MAIP1: variants seen among roughly 807,000 people sequenced by gnomAD.
MAIP1 encodes the protein matrix AAA peptidase interacting protein 1, also known as m-AAA protease-interacting protein 1, mitochondrial.
A neutral mutation model predicts 31.2 loss-of-function variants in MAIP1; 28 were observed. The ratio of observed to expected loss-of-function variants is 0.90; its 90% confidence interval spans 0.67 to 1.23. MAIP1 has a LOEUF of 1.23. Among genes scored for constraint, MAIP1 ranks in the 50% most tolerant of loss-of-function variants. The pLI is 0.00. For synonymous variants in MAIP1, 142 were observed against 142.3 expected, an observed-to-expected ratio of 1.00 and a Z score of 0.02; for missense variants, 339 against 356.0, an observed-to-expected ratio of 0.95 and a Z score of 0.38.
chr2:199,955,443 G>A (rs747786563), upstream of MAIP1: 3 of 1,613,716 alleles, frequency 1.9e-6, no homozygotes, highest in African/African-American at 2.7e-5. Flanking sequence ...CCCTCCAGCC[G>A]GGGTACCGGG....
chr2:199,958,466 G>A (rs1159982335), intron 1 of MAIP1, among the ~76,000 whole-genome samples: 1 of 152,110 alleles, frequency 6.6e-6, no homozygotes, highest in Non-Finnish European at 1.5e-5. Flanking sequence ...TATCTGACAT[G>A]CCTGTGCATC....
At chr2:199,960,083 T>G (rs577423258) in intron 3 of MAIP1, among the ~76,000 whole-genome samples, 1 of 152,336 alleles carries the variant, frequency 6.6e-6, no homozygotes, top group South Asian at 2.1e-4. Context: ...ATCTAGAACT[T>G]TTTTCTGCTA....
In MAIP1 at chr2:199,955,627, G is replaced by C. The variant is rs1218294271; in HGVS notation, c.-172G>C. ...CCGAGCGCGGGGCGGGTTGCCGAAG[G>C]GCCTCGGCCTGGGCTGCGTGCTGGA... On this transcript the variant is annotated 5_prime_UTR_variant, in exon 1 of 5. Coordinates refer to ENST00000392290, the MANE Select transcript of MAIP1 (RefSeq NM_001394955.1). The C allele has an allele frequency of 8.5e-7, 1 of 1,177,162 alleles. No homozygotes were observed. The highest frequency in any genetic ancestry group is 1.2e-6 in the Non-Finnish European group (1 of 852,102). The allele number at this position is 1,177,162 out of a possible 1,614,324, so 72.9% of individuals were successfully genotyped here. A position where few individuals can be genotyped will look rare whatever the true frequency, so the allele number is the denominator to read the frequency against.
intron 1 of MAIP1, among the ~76,000 whole-genome samples, chr2:199,957,012 A>G (rs978139903): frequency 7.3e-6 from 1 of 137,522 alleles, no homozygotes; most frequent in African/African-American, 2.7e-5. Flanking sequence ...GGGTCCTGAG[A>G]TTATTTGTAG....
chr2:199,961,658 A>T, intron 3 of MAIP1, 123 bp from the exon 4 acceptor site: 1 of 764,808 alleles, frequency 1.3e-6, no homozygotes, highest in East Asian at 2.6e-5. Flanking sequence ...ACATCAGAAT[A>T]AGCACAAAAT....
chr2:199,962,064 GAC>G, intron 4 of MAIP1, 136 bp downstream of exon 4: 1 of 738,662 alleles, frequency 1.4e-6, no homozygotes, highest in Non-Finnish European at 2.2e-6. Flanking sequence ...AGGTCAGAAA[GAC>G]ACACTGGATA....
Position 199,955,905 on chromosome 2 carries a change from C to G in MAIP1, c.107C>G (p.Ser36Trp). 1 of 1,580,784 alleles carries G rather than the reference C, an allele frequency of 6.3e-7. No individual in the cohort carries two copies. Among genetic ancestry groups the G allele is most frequent in the East Asian group, 2.2e-5 (1 of 44,474 alleles). The change falls in exon 1 of 5, where the codon TCG becomes TGG. Residue 36 changes from serine (S) to tryptophan (W), a missense_variant. By Grantham distance (177) the Ser-to-Trp change is radical. Transcript: ENST00000392290. Reference protein sequence around the residue: ...TPAVAEVRLPSATLCYFCRCR... With the variant: ...TPAVAEVRLPWATLCYFCRCR... ...GCTGTGGCCGAGGTGAGGCTGCCGT[C>G]GGCCACACTTTGCTACTTCTGCCGC...
chr2:199,962,679 C>T (rs1381837094), intron 4 of MAIP1, among the ~76,000 whole-genome samples: 1 of 152,072 alleles, frequency 6.6e-6, no homozygotes, highest in Non-Finnish European at 1.5e-5. Flanking sequence ...TAAAATCTGC[C>T]ATAATTGGTA....
chr2:199,961,727 A>G, intron 3 of MAIP1, 54 bp from the exon 4 acceptor site: 1 of 1,499,668 alleles, frequency 6.7e-7, no homozygotes, highest in Non-Finnish European at 9.1e-7. Flanking sequence ...GTTTATATGG[A>G]TGATAGATTA....
At position 199,955,691 on chromosome 2, in the gene MAIP1, C is replaced by T. The variant is rs1049612513; in HGVS notation, c.-108C>T. 5.0e-6 allele frequency: 6 copies of T among 1,205,210 alleles called. No homozygotes were observed. In the African/African-American group the frequency reaches 7.6e-5, roughly 15 times the overall value. The allele number at this position is 1,205,210 out of a possible 1,614,324, so 74.7% of individuals were successfully genotyped here. On this transcript the variant is annotated 5_prime_UTR_variant, in exon 1 of 5. Transcript: ENST00000392290. The stretch of plus-strand genomic sequence containing the variant: ...GCCGACTCACCAGAGGCTGCAGCAA[C>T]AGGTCCACTTTGCTCTCCAGTCTCT...
intron 4 of MAIP1, 105 bp downstream of exon 4, chr2:199,962,033 C>A: frequency 9.4e-7 from 1 of 1,066,360 alleles, no homozygotes; most frequent in Non-Finnish European, 1.3e-6. Context: ...TGAAATTTGA[C>A]AAGTTATTTA....
Position 199,955,975 on chromosome 2 carries a change from G to T in MAIP1, c.177G>T (p.Arg59Ser). Residue 59 changes from arginine to serine, a missense_variant, in exon 1 of 5, where the codon AGG becomes AGT. Arg to Ser is a moderately radical substitution (Grantham distance 110). Coordinates refer to ENST00000392290, the MANE Select transcript of MAIP1 (RefSeq NM_001394955.1). Reference sequence around the variant, plus strand: ...CGGCGTTATTTCCACGAAGCGCTAGGGCCTTGGCAGCCTCGGCGCTACCTG... The same window carrying T: ...CGGCGTTATTTCCACGAAGCGCTAGTGCCTTGGCAGCCTCGGCGCTACCTG... ...LGAALFPRSA[R>S]ALAASALPAQ... 6.2e-7 allele frequency: 1 copy of T among 1,612,744 alleles called. No individual in the cohort carries two copies. The highest frequency in any genetic ancestry group is 8.5e-7 in the Non-Finnish European group (1 of 1,179,522).
intron 1 of MAIP1, among the ~76,000 whole-genome samples, chr2:199,956,497 G>C (rs909231794): frequency 1.3e-5 from 2 of 152,180 alleles, no homozygotes; most frequent in Non-Finnish European, 2.9e-5. Context: ...GGAGTTGGAC[G>C]TTGTAGTGAG....
rs998980531 is a variant in MAIP1, at chr2:199,964,096, AAAG to A, written c.*289_*291del. 107 of 193,712 alleles carry A rather than the reference AAAG, an allele frequency of 5.5e-4. No individual in the cohort carries two copies. Among genetic ancestry groups the A allele is most frequent in the African/African-American group, 2.4e-3 (104 of 42,824 alleles). The allele number at this position is 193,712 out of a possible 1,614,324, so 12.0% of individuals were successfully genotyped here. ...CTACATATAATTTTATAGACATAAT[AAAG>A]AAGGTATTGAAAAAACTACTTACAA... On this transcript the variant is annotated 3_prime_UTR_variant, in exon 5 of 5. Transcript: ENST00000392290.
At chr2:199,962,043 A>T in intron 4 of MAIP1, 115 bp downstream of exon 4, 7 of 974,816 alleles carry the variant, frequency 7.2e-6, no homozygotes, top group Non-Finnish European at 9.0e-6. Context: ...CAAGTTATTT[A>T]TGAAGAGAAA....
chr2:199,956,301 C>T, intron 1 of MAIP1, 53 bp downstream of exon 1: 1 of 1,394,920 alleles, frequency 7.2e-7, no homozygotes, highest in Non-Finnish European at 1.0e-6. Flanking sequence ...TCAACTATTG[C>T]TCGCAGAAGT....
chr2:199,961,778 A>C lies in MAIP1; in HGVS notation c.650-3A>C, dbSNP rs1559313080. On this transcript the variant is annotated splice_region_variant and splice_polypyrimidine_tract_variant and intron_variant, in intron 3 of 4. Transcript: ENST00000392290. ...GTATGTGTGTATATGTTTTTTCTCT[A>C]AGGAAGGAAGTTTGTTAACATCCTG... 1.2e-6 allele frequency: 2 copies of C among 1,607,776 alleles called. No individual in the cohort carries two copies. The highest frequency in any genetic ancestry group is 1.7e-6 in the Non-Finnish European group (2 of 1,177,592).
intron 1 of MAIP1, among the ~76,000 whole-genome samples, chr2:199,957,391 C>G (rs2077613394): frequency 6.6e-6 from 1 of 151,936 alleles, no homozygotes; most frequent in African/African-American, 2.4e-5. Flanking sequence ...GACTCCGTCT[C>G]AAAAAACAAA....
chr2:199,955,929 G>A lies in MAIP1; in HGVS notation c.131G>A (p.Arg44His). 2 of 1,600,372 alleles carry A rather than the reference G, an allele frequency of 1.2e-6. No homozygotes were observed. Among genetic ancestry groups the A allele is most frequent in the South Asian group, 1.1e-5 (1 of 89,688 alleles). Reference sequence around the variant, plus strand: ...TCGGCCACACTTTGCTACTTCTGCCGCTGTCGCCTCGGCTTGGGAGCGGCG... The same window carrying A: ...TCGGCCACACTTTGCTACTTCTGCCACTGTCGCCTCGGCTTGGGAGCGGCG... Reference protein sequence around the residue: ...LPSATLCYFCRCRLGLGAALF... With the variant: ...LPSATLCYFCHCRLGLGAALF... Residue 44 changes from arginine to histidine, a missense_variant, in exon 1 of 5, where the codon CGC becomes CAC. By Grantham distance (29) the Arg-to-His change is conservative. Transcript: ENST00000392290.
Sources: allele counts gnomAD v4.1 joint callset (sites outside exome capture counted in the v4.1 genomes callset), GRCh38; gene constraint gnomAD v4.1.1; transcripts MANE v1.5; gene names NCBI Gene and HGNC (gene_info 2026-07-23, HGNC 2026-07-21).